The following TBCA variants were observed in gnomAD, a reference collection of about 807,000 sequenced individuals.
TBCA encodes tubulin-specific chaperone A.
TBCA carries 6 observed loss-of-function variants against 15.8 expected under a neutral mutation model. The observed-to-expected ratio is 0.38, with a 90% CI of 0.21 to 0.75. The LOEUF (loss-of-function observed/expected upper bound fraction) is 0.75. Ranked by LOEUF, TBCA falls within the 30% of genes least tolerant of loss-of-function variation. TBCA has a pLI of 0.46. For missense variants in TBCA, 90 were observed against 131.2 expected, an observed-to-expected ratio of 0.69 and a Z score of 1.53; for synonymous variants, 32 against 42.3, an observed-to-expected ratio of 0.76 and a Z score of 0.94.
At chr5:77,751,400 A>T (rs1177739295) in intron 1 of TBCA, among the ~76,000 whole-genome samples, 2 of 151,794 alleles carry the variant, frequency 1.3e-5, no homozygotes, top group Non-Finnish European at 2.9e-5. Flanking sequence ...GCTGGTCTCG[A>T]AATCCTGACC....
chr5:77,761,356 A>C (rs1177511957), intron 1 of TBCA, among the ~76,000 whole-genome samples: 1 of 152,164 alleles, frequency 6.6e-6, no homozygotes, highest in Non-Finnish European at 1.5e-5. Context: ...TGCTCTCTGA[A>C]ACATGTGCTG....
chr5:77,720,569 C>G (rs1405841026), intron 1 of TBCA, among the ~76,000 whole-genome samples: 6 of 152,016 alleles, frequency 3.9e-5, no homozygotes, highest in African/African-American at 1.4e-4. Context: ...TAAAAATTAG[C>G]CAGGCGTGGT....
intron 1 of TBCA, among the ~76,000 whole-genome samples, chr5:77,760,718 C>T (rs1280429272): frequency 1.3e-5 from 2 of 152,358 alleles, no homozygotes; most frequent in East Asian, 3.9e-4. Flanking sequence ...CTCGCTCACT[C>T]AGTGCTCAAT....
At chr5:77,768,564 G>C (rs560879711) in intron 1 of TBCA, among the ~76,000 whole-genome samples, 2 of 152,226 alleles carry the variant, frequency 1.3e-5, no homozygotes, top group African/African-American at 4.8e-5. Context: ...TATCCGATCA[G>C]GTTCAAAATC....
intron 1 of TBCA, among the ~76,000 whole-genome samples, chr5:77,766,438 G>A (rs1747778088): frequency 6.6e-6 from 1 of 151,924 alleles, no homozygotes; most frequent in South Asian, 2.1e-4. Context: ...TTTGAGGGTG[G>A]TTATTACTTA....
At chr5:77,701,285 C>T (rs1336934453) in intron 2 of TBCA, among the ~76,000 whole-genome samples, 1 of 151,970 alleles carries the variant, frequency 6.6e-6, no homozygotes, top group African/African-American at 2.4e-5. Context: ...AGAAGACATA[C>T]AAATGGCCAA....
At position 77,762,970 on chromosome 5, in the gene TBCA, G is replaced by A. The variant is rs141417776; in HGVS notation, c.53+13235C>T. On this transcript the variant is annotated intron_variant, in intron 1 of 3. Coordinates refer to ENST00000380377, the MANE Select transcript of TBCA (RefSeq NM_004607.3). Reference sequence around the variant, plus strand: ...TGTTTAAAAAGACAAGCGGCCGGGCGCGGTGGCTCACGCCTGTAATCCCAG... The same window carrying A: ...TGTTTAAAAAGACAAGCGGCCGGGCACGGTGGCTCACGCCTGTAATCCCAG... Among the ~76,000 whole-genome samples, 767 of 152,306 alleles carry A rather than the reference G, an allele frequency of 5.0e-3. 2 individuals are homozygous for A. The highest frequency in any genetic ancestry group is 0.017 in the African/African-American group (719 of 41,562).
intron 2 of TBCA, among the ~76,000 whole-genome samples, chr5:77,701,553 C>A (rs1048611695): frequency 6.6e-6 from 1 of 151,500 alleles, no homozygotes; most frequent in South Asian, 2.1e-4. Flanking sequence ...TGGGTATCTA[C>A]CCAGAGGAAA....
chr5:77,704,665 C>A (rs1746105143), intron 2 of TBCA, among the ~76,000 whole-genome samples: 1 of 149,576 alleles, frequency 6.7e-6, no homozygotes, highest in Non-Finnish European at 1.5e-5. Context: ...TATGCAACAC[C>A]CATTGTATAT....
rs931437654 is a variant in TBCA, at chr5:77,707,819, C to T, written c.159+423G>A. ...AATTGGAAAAGACAGTAGAATTTAG[C>T]GGTTAAGAGTACAGATACTAGAGCC... is the stretch of plus-strand genomic sequence containing the variant. On this transcript the variant is annotated intron_variant, in intron 2 of 3. Coordinates refer to ENST00000380377, the MANE Select transcript of TBCA (RefSeq NM_004607.3). Among the ~76,000 whole-genome samples the T allele has an allele frequency of 6.6e-5, 10 of 152,088 alleles. No homozygotes were observed. In the East Asian group the frequency reaches 9.6e-4, roughly 15 times the overall value.
At position 77,711,715 on chromosome 5, in the gene TBCA, A is replaced by G. The variant is rs554795789; in HGVS notation, c.54-3368T>C. ...ACAGAAGAGGAGGATTCTATGCCTA[A>G]GCCCACAGATAATTCTGACTGGTAA... On this transcript the variant is annotated intron_variant, in intron 1 of 3. Transcript: ENST00000380377. Among the ~76,000 whole-genome samples, 3 of 152,340 alleles carry G rather than the reference A, an allele frequency of 2.0e-5. No individual in the cohort carries two copies. In the South Asian group the frequency reaches 6.2e-4, roughly 32 times the overall value.
chr5:77,724,599 A>T (rs1451067510), intron 1 of TBCA, among the ~76,000 whole-genome samples: 1 of 152,150 alleles, frequency 6.6e-6, no homozygotes, highest in Non-Finnish European at 1.5e-5. Flanking sequence ...CTTGAAAATC[A>T]CTTCAGCATT....
intron 1 of TBCA, among the ~76,000 whole-genome samples, chr5:77,724,251 C>G (rs1746584132): frequency 6.6e-6 from 1 of 151,882 alleles, no homozygotes; most frequent in Admixed American, 6.6e-5. Flanking sequence ...TTTTTAAAAA[C>G]TAAATTAGAA....
chr5:77,772,460 GAACTTAAAGTA>G (rs1316166940), intron 1 of TBCA, among the ~76,000 whole-genome samples: 4 of 151,778 alleles, frequency 2.6e-5, no homozygotes, highest in Non-Finnish European at 5.9e-5. Flanking sequence ...ATGTATCCCA[GAACTTAAAGTA>G]AAATAAAAAT....
chr5:77,769,178 T>C (rs980026992), intron 1 of TBCA, among the ~76,000 whole-genome samples: 1 of 152,206 alleles, frequency 6.6e-6, no homozygotes, highest in Admixed American at 6.5e-5. Flanking sequence ...CTGCAATCCA[T>C]TTTGACATGG....
intron 1 of TBCA, among the ~76,000 whole-genome samples, chr5:77,775,854 C>T (rs1748008625): frequency 6.6e-6 from 1 of 152,222 alleles, no homozygotes; most frequent in Non-Finnish European, 1.5e-5. Context: ...CAAGGAGAGG[C>T]CGGCGCGCGC....
At chr5:77,708,982 C>CT (rs35555938) in intron 1 of TBCA, among the ~76,000 whole-genome samples, 20,872 of 141,304 alleles carry the variant, frequency 0.15, 1,967 homozygotes, top group East Asian at 0.35. Flanking sequence ...ATACAACTGT[C>CT]TTTTTTTTTT....
intron 2 of TBCA, among the ~76,000 whole-genome samples, chr5:77,703,868 G>T (rs961173387): frequency 1.3e-5 from 2 of 152,154 alleles, no homozygotes; most frequent in Non-Finnish European, 2.9e-5. Context: ...GTTAGGGAGG[G>T]ACCTGGTGGG....
chr5:77,734,054 T>C (rs943561146), intron 1 of TBCA, among the ~76,000 whole-genome samples: 7 of 152,168 alleles, frequency 4.6e-5, no homozygotes, highest in Non-Finnish European at 7.4e-5. Flanking sequence ...CAACTGTTTA[T>C]AGCATGAATA....
Sources: gnomAD v4.1 joint callset for allele counts (sites outside exome capture counted in the v4.1 genomes callset) on GRCh38, gnomAD v4.1.1 for gene constraint, MANE v1.5 for transcripts, NCBI Gene and HGNC (gene_info 2026-07-23, HGNC 2026-07-21) for gene names.